XRCC4: variants seen among roughly 807,000 people sequenced by gnomAD.
XRCC4 encodes the protein DNA repair protein XRCC4.
Under a neutral mutation model 39.1 loss-of-function variants are expected in XRCC4, and 28 were observed. The ratio of observed to expected loss-of-function variants is 0.72; its 90% CI spans 0.53 to 0.98. The LOEUF is 0.98. XRCC4 is among the 50% of genes least tolerant of loss of function. The pLI is 0.00. For synonymous variants in XRCC4, 123 were observed against 126.4 expected (o/e 0.97, Z 0.18); for missense variants, 350 against 376.4 (o/e 0.93, Z 0.58).
chr5:83,368,172 A>G, the XRCC4 span, among the ~76,000 whole-genome samples: 1 of 152,132 alleles, frequency 6.6e-6, no homozygotes, highest in Admixed American at 6.5e-5. Flanking sequence ...GCTATTGATT[A>G]AGAGAATACA....
intron 6 of XRCC4, among the ~76,000 whole-genome samples, chr5:83,247,815 C>A (rs1012413549): frequency 6.6e-6 from 1 of 152,150 alleles, no homozygotes; most frequent in Non-Finnish European, 1.5e-5. Context: ...CAGAAACTTT[C>A]AAAGGTAGTT....
intron 7 of XRCC4, chr5:83,280,349 C>G: frequency 2.1e-6 from 1 of 477,384 alleles, no homozygotes; most frequent in Non-Finnish European, 3.9e-6. Flanking sequence ...GATACTAGAT[C>G]ATGCATTTCC....
downstream of XRCC4, among the ~76,000 whole-genome samples, chr5:83,356,325 G>GTCTA (rs1428389582): frequency 4.6e-5 from 7 of 151,946 alleles, no homozygotes; most frequent in South Asian, 4.1e-4. Flanking sequence ...GTGTATATGT[G>GTCTA]TCTATCTATC....
At chr5:83,345,399 A>C (rs1289929045) in intron 7 of XRCC4, among the ~76,000 whole-genome samples, 1 of 152,152 alleles carries the variant, frequency 6.6e-6, no homozygotes, top group African/African-American at 2.4e-5. Flanking sequence ...CTTCTGACAC[A>C]CAAAAAAATT....
chr5:83,131,151 G>A (rs1047544698), intron 3 of XRCC4, among the ~76,000 whole-genome samples: 10 of 152,180 alleles, frequency 6.6e-5, no homozygotes, highest in African/African-American at 1.9e-4. Flanking sequence ...ATGTGTCCCA[G>A]AGATTCTGGT....
the XRCC4 span, among the ~76,000 whole-genome samples, chr5:83,368,167 T>C: frequency 9.9e-5 from 15 of 150,974 alleles, no homozygotes; most frequent in South Asian, 2.1e-4. Flanking sequence ...TGCAAGCTAT[T>C]GATTAAGAGA....
At chr5:83,296,561 T>G (rs969899715) in intron 7 of XRCC4, among the ~76,000 whole-genome samples, 13 of 152,152 alleles carry the variant, frequency 8.5e-5, no homozygotes, top group Non-Finnish European at 2.9e-5. Context: ...ATTTATGGAC[T>G]TTAACTCAAT....
chr5:83,247,624 C>G (rs1753157503), intron 6 of XRCC4, among the ~76,000 whole-genome samples: 2 of 152,128 alleles, frequency 1.3e-5, no homozygotes, highest in South Asian at 4.2e-4. Flanking sequence ...ATCGTACTAG[C>G]AAGTTGAAGC....
At chr5:83,340,338 G>A (rs1363389588) in intron 7 of XRCC4, among the ~76,000 whole-genome samples, 1 of 152,100 alleles carries the variant, frequency 6.6e-6, no homozygotes, top group African/African-American at 2.4e-5. Flanking sequence ...TGGAACCTGA[G>A]AATATGTTAG....
At chr5:83,171,071 TAGAC>T (rs1749700040) in intron 3 of XRCC4, among the ~76,000 whole-genome samples, 1 of 152,140 alleles carries the variant, frequency 6.6e-6, no homozygotes, top group Non-Finnish European at 1.5e-5. Flanking sequence ...TTCACTCTAA[TAGAC>T]CTGCACTCAT....
At chr5:83,169,738 A>G (rs1276720754) in intron 3 of XRCC4, among the ~76,000 whole-genome samples, 1 of 152,132 alleles carries the variant, frequency 6.6e-6, no homozygotes, top group Non-Finnish European at 1.5e-5. Flanking sequence ...GATCCTTGTT[A>G]GTGTGCAGTA....
At chr5:83,166,851 G>A (rs1013028724) in intron 3 of XRCC4, among the ~76,000 whole-genome samples, 2 of 151,704 alleles carry the variant, frequency 1.3e-5, no homozygotes, top group Non-Finnish European at 2.9e-5. Context: ...ATTCTGAGTG[G>A]TGCGAGATAG....
At chr5:83,220,405 G>A (rs28360171) in intron 6 of XRCC4, among the ~76,000 whole-genome samples, 117 of 152,194 alleles carry the variant, frequency 7.7e-4, no homozygotes, top group African/African-American at 2.6e-3. Flanking sequence ...CTGGTCCCCT[G>A]AGCCAATTCA....
At chr5:83,280,567 C>T in intron 7 of XRCC4, 2 of 507,164 alleles carry the variant, frequency 3.9e-6, no homozygotes, top group Non-Finnish European at 7.2e-6. Flanking sequence ...AGCCCACACT[C>T]CGACCACTGT....
At chr5:83,275,870 C>G (rs1436925310) in intron 7 of XRCC4, among the ~76,000 whole-genome samples, 1 of 152,136 alleles carries the variant, frequency 6.6e-6, no homozygotes, top group Non-Finnish European at 1.5e-5. Context: ...ATGCATGATT[C>G]TTTAATGGAT....
chr5:83,159,645 C>T (rs1351619065), intron 3 of XRCC4, among the ~76,000 whole-genome samples: 2 of 151,988 alleles, frequency 1.3e-5, no homozygotes, highest in Admixed American at 1.3e-4. Flanking sequence ...ATTCTGTAGT[C>T]GTGAAAATTT....
chr5:83,192,437 AGCTGGGACTACAGGCACAC>A (rs1424409429), intron 3 of XRCC4, among the ~76,000 whole-genome samples: 1 of 151,416 alleles, frequency 6.6e-6, no homozygotes, highest in Non-Finnish European at 1.5e-5. Flanking sequence ...CCTCCTGAGT[AGCTGGGACTACAGGCACAC>A]GCCACCACGC....
chr5:83,271,388 G>A (rs528740834), intron 7 of XRCC4, among the ~76,000 whole-genome samples: 21 of 152,130 alleles, frequency 1.4e-4, no homozygotes, highest in Non-Finnish European at 2.1e-4. Flanking sequence ...ATCTAAAATA[G>A]CATAAAGTCA....
intron 6 of XRCC4, among the ~76,000 whole-genome samples, chr5:83,251,523 CAAA>C (rs60359773): frequency 7.2e-4 from 50 of 69,904 alleles, no homozygotes; most frequent in African/African-American, 1.9e-3. Flanking sequence ...GACTCCGTCT[CAAA>C]AAAAAAAAAA....
Sources: allele counts gnomAD v4.1 joint callset (sites outside exome capture counted in the v4.1 genomes callset), GRCh38; gene constraint gnomAD v4.1.1; transcripts MANE v1.5; gene names NCBI Gene and HGNC (gene_info 2026-07-23, HGNC 2026-07-21).